The following SPATC1 variants were observed in gnomAD, a reference collection of about 807,000 sequenced individuals.
SPATC1 encodes the protein spermatogenesis and centriole associated 1, also known as speriolin.
Under a neutral mutation model 36.5 loss-of-function variants are expected in SPATC1, and 35 were observed. That is an observed-to-expected ratio of 0.96 (90% CI 0.73 to 1.27). The LOEUF (loss-of-function observed/expected upper bound fraction) is 1.27, where lower values mean the gene tolerates loss of function less well. SPATC1 is among the 50% of genes most tolerant of loss of function. The pLI is 0.00. For missense variants in SPATC1, 779 were observed against 796.0 expected, an observed-to-expected ratio of 0.98 and a Z score of 0.26; for synonymous variants, 361 against 353.6, an observed-to-expected ratio of 1.02 and a Z score of -0.24.
chr8:144,013,002 T>A (rs934578075), intron 1 of SPATC1, among the ~76,000 whole-genome samples: 1 of 152,080 alleles, frequency 6.6e-6, no homozygotes, highest in Admixed American at 6.5e-5. Flanking sequence ...TTGCCCTCCT[T>A]ACCTGGCCCT....
At chr8:144,014,058 C>G (rs782219028) in intron 1 of SPATC1, among the ~76,000 whole-genome samples, 1 of 152,116 alleles carries the variant, frequency 6.6e-6, no homozygotes, top group African/African-American at 2.4e-5. Context: ...TGAGACCAGC[C>G]TGGCCAACAT....
intron 1 of SPATC1, among the ~76,000 whole-genome samples, chr8:144,013,325 G>A (rs73379115): frequency 3.3e-5 from 5 of 152,044 alleles, no homozygotes; most frequent in East Asian, 1.9e-4. Flanking sequence ...CTCAGCCAGC[G>A]TACCCACAGC....
chr8:144,014,276 A>C (rs1564265311), intron 1 of SPATC1, among the ~76,000 whole-genome samples: 1 of 130,712 alleles, frequency 7.7e-6, no homozygotes, highest in Non-Finnish European at 1.5e-5. Context: ...AAAGAAAGAA[A>C]GAGAGAGAGA....
intron 1 of SPATC1, among the ~76,000 whole-genome samples, chr8:144,013,801 C>G (rs1432893021): frequency 6.6e-6 from 1 of 152,088 alleles, no homozygotes; most frequent in Admixed American, 6.5e-5. Context: ...ACTAAAAACA[C>G]AAAAATCTTC....
chr8:144,034,954 A>C (rs1834869033), intron 1 of SPATC1, among the ~76,000 whole-genome samples: 1 of 152,208 alleles, frequency 6.6e-6, no homozygotes, highest in African/African-American at 2.4e-5. Context: ...CCTACACTTG[A>C]TGTAACAATT....
At chr8:144,023,013 A>G (rs1490283588) in intron 1 of SPATC1, among the ~76,000 whole-genome samples, 6 of 140,310 alleles carry the variant, frequency 4.3e-5, no homozygotes, top group Non-Finnish European at 9.4e-5. Context: ...TTCCCTCAAG[A>G]CCCTCTTCCC....
intron 1 of SPATC1, among the ~76,000 whole-genome samples, chr8:144,028,574 G>A (rs1834731123): frequency 6.6e-6 from 1 of 152,184 alleles, no homozygotes; most frequent in Non-Finnish European, 1.5e-5. Flanking sequence ...CGAGGCTGTG[G>A]AGAAATAAGA....
At chr8:144,036,280 T>C (rs1406897744) in intron 1 of SPATC1, among the ~76,000 whole-genome samples, 2 of 152,162 alleles carry the variant, frequency 1.3e-5, no homozygotes, top group Non-Finnish European at 2.9e-5. Flanking sequence ...AGCAGCTGAC[T>C]GGATTGTGCA....
At position 144,012,558 on chromosome 8, in the gene SPATC1, G is replaced by T; in HGVS notation, c.43G>T (p.Glu15Ter). Reference protein sequence around the residue: ...TNYEGLRHQIERLVRENEELK... With the variant: ...TNYEGLRHQI ...TTATGAAGGGCTTCGGCATCAGATA[G>T]AGAGGCTGGTGCGGGAAAATGAGGA... The change falls in exon 1 of 5, where the codon GAG becomes TAG. Residue 15 changes from glutamate to a stop codon, truncating the protein, a stop_gained. Transcript: ENST00000377470. LOFTEE classifies it high-confidence loss of function. 1.9e-6 allele frequency: 3 copies of T among 1,551,772 alleles called. No homozygotes were observed. In the East Asian group the frequency reaches 7.3e-5, roughly 38 times the overall value.
chr8:144,023,008 T>C (rs1834572563), intron 1 of SPATC1, among the ~76,000 whole-genome samples: 1 of 147,462 alleles, frequency 6.8e-6, no homozygotes, highest in African/African-American at 2.5e-5. Flanking sequence ...CCCTCTTCCC[T>C]CAAGACCCTC....
chr8:144,013,665 T>C (rs1554752755), intron 1 of SPATC1, among the ~76,000 whole-genome samples: 2 of 152,022 alleles, frequency 1.3e-5, no homozygotes, highest in Non-Finnish European at 2.9e-5. Context: ...AAAAGAATAA[T>C]ACACATGGGG....
At chr8:144,034,362 G>T (rs1363681247) in intron 1 of SPATC1, among the ~76,000 whole-genome samples, 1 of 151,858 alleles carries the variant, frequency 6.6e-6, no homozygotes, top group African/African-American at 2.4e-5. Flanking sequence ...TGTGAGCAGG[G>T]CTGTGGCCCC....
chr8:144,042,132 T>C (rs1240789096), intron 4 of SPATC1: 6 of 464,322 alleles, frequency 1.3e-5, no homozygotes, highest in Non-Finnish European at 1.7e-5. Flanking sequence ...TGCCTCTCAA[T>C]TCAAACGATT....
chr8:144,018,718 C>G (rs1343507869), intron 1 of SPATC1, among the ~76,000 whole-genome samples: 9 of 151,566 alleles, frequency 5.9e-5, no homozygotes, highest in African/African-American at 2.2e-4. Flanking sequence ...AAGGATGGAG[C>G]GGGGAAGGTC....
At chr8:144,031,448 TTC>T (rs1386927572) in intron 1 of SPATC1, among the ~76,000 whole-genome samples, 19 of 52,058 alleles carry the variant, frequency 3.6e-4, no homozygotes, top group South Asian at 1.9e-3. Context: ...AGATTTTTTT[TTC>T]TTTTTTTTTT....
rs377285159 is a variant in SPATC1, at chr8:144,040,089, C to T, written c.392C>T (p.Thr131Met). The change falls in exon 2 of 5, where the codon ACG becomes ATG. Residue 131 changes from threonine to methionine, a missense_variant. Physicochemically the swap from Thr to Met is moderately conservative, Grantham distance 81 (BLOSUM62 -1). Coordinates refer to ENST00000377470, the MANE Select transcript of SPATC1 (RefSeq NM_198572.3). ...LSTLLSGPAP[T>M]SQSSPLTSFL... ...ACGCTGCTGTCTGGCCCAGCACCCA[C>T]GTCACAGAGCAGCCCCCTCACCAGC... 56 of 1,611,896 alleles carry T rather than the reference C, an allele frequency of 3.5e-5. No individual in the cohort carries two copies. The African/African-American group carries it at 5.9e-4, about 17-fold the overall frequency.
At chr8:144,031,920 A>T (rs1422705190) in intron 1 of SPATC1, among the ~76,000 whole-genome samples, 1 of 151,976 alleles carries the variant, frequency 6.6e-6, no homozygotes, top group Non-Finnish European at 1.5e-5. Context: ...GGTTTTGGCC[A>T]TGTTGCCCAG....
At chr8:144,019,392 C>T (rs1834458893) in intron 1 of SPATC1, among the ~76,000 whole-genome samples, 1 of 152,190 alleles carries the variant, frequency 6.6e-6, no homozygotes. Context: ...GATCTCTGCC[C>T]AAGACAGAAG....
intron 4 of SPATC1, among the ~76,000 whole-genome samples, chr8:144,042,311 ATTT>A (rs1184651892): frequency 0.013 from 298 of 23,688 alleles, 1 homozygote; most frequent in African/African-American, 0.027. Context: ...ATATATATAT[ATTT>A]TTTTTTTTTT....
Sources: gnomAD v4.1 joint callset for allele counts (sites outside exome capture counted in the v4.1 genomes callset) on GRCh38, gnomAD v4.1.1 for gene constraint, MANE v1.5 for transcripts, NCBI Gene and HGNC (gene_info 2026-07-23, HGNC 2026-07-21) for gene names.